LRFN2: variants seen among roughly 807,000 people sequenced by gnomAD.
LRFN2 encodes leucine rich repeat and fibronectin type III domain containing 2.
In LRFN2, 18 loss-of-function variants were observed where a neutral mutation model predicts 37.3. The ratio of observed to expected loss-of-function variants is 0.48; its 90% CI spans 0.33 to 0.72. LRFN2 has a LOEUF of 0.72. LRFN2 is among the 30% of genes least tolerant of loss of function. The pLI, the probability that LRFN2 is intolerant of heterozygous loss-of-function variation, is 0.02. For synonymous variants in LRFN2, 556 were observed against 466.6 expected (o/e 1.19, Z -2.47); for missense variants, 1,006 against 1,060.7 (o/e 0.95, Z 0.72).
At chr6:40,403,524 C>T (rs1762785578) in intron 2 of LRFN2, among the ~76,000 whole-genome samples, 2 of 152,198 alleles carry the variant, frequency 1.3e-5, no homozygotes, top group Non-Finnish European at 2.9e-5. Flanking sequence ...CCCTGCCTTA[C>T]TGGCAGTTAC....
At position 40,533,757 on chromosome 6, in the gene LRFN2, C is replaced by T. The variant is rs532334321; in HGVS notation, c.-19+53184G>A. 1.5e-4 allele frequency among the ~76,000 whole-genome samples: 23 copies of T among 152,244 alleles called. 2 individuals are homozygous for T. The South Asian group carries it at 3.5e-3, about 23-fold the overall frequency. On this transcript the variant is annotated intron_variant, in intron 1 of 2. Coordinates refer to ENST00000338305, the MANE Select transcript of LRFN2 (RefSeq NM_020737.3). Reference sequence around the variant, plus strand: ...CCACAGAAAACTCCTGAGAAGCATGCTGTGGAGGAAAGGAGGGATTAAAAG... The same window carrying T: ...CCACAGAAAACTCCTGAGAAGCATGTTGTGGAGGAAAGGAGGGATTAAAAG...
chr6:40,555,359 G>C (rs1018653795), intron 1 of LRFN2, among the ~76,000 whole-genome samples: 3 of 152,192 alleles, frequency 2.0e-5, no homozygotes, highest in Non-Finnish European at 2.9e-5. Flanking sequence ...CCACAGTAAG[G>C]AGGTGAGGAG....
At chr6:40,434,805 T>G (rs372132648) in intron 1 of LRFN2, among the ~76,000 whole-genome samples, 1 of 151,718 alleles carries the variant, frequency 6.6e-6, no homozygotes, top group African/African-American at 2.4e-5. Flanking sequence ...AACATACTAA[T>G]TAGAGTTCTG....
chr6:40,560,572 C>G (rs565928719), intron 1 of LRFN2, among the ~76,000 whole-genome samples: 1 of 152,292 alleles, frequency 6.6e-6, no homozygotes, highest in South Asian at 2.1e-4. Context: ...CAAAGCTTCT[C>G]TTACTAACTC....
chr6:40,556,990 A>T (rs1426931192), intron 1 of LRFN2, among the ~76,000 whole-genome samples: 2 of 152,164 alleles, frequency 1.3e-5, no homozygotes, highest in Non-Finnish European at 2.9e-5. Context: ...AATAACCAGG[A>T]TCATAATCAA....
chr6:40,402,662 G>A (rs1359363578), intron 2 of LRFN2, among the ~76,000 whole-genome samples: 2 of 152,310 alleles, frequency 1.3e-5, no homozygotes, highest in African/African-American at 2.4e-5. Context: ...CTCTCACAGA[G>A]AGGAGGATTG....
rs556679760 is a variant in LRFN2 at position 40,533,305 on chromosome 6, A to T, written c.-19+53636T>A. Reference sequence around the variant, plus strand: ...TACTTTATGTACCAATTGAATTTTTAAAAATCTGTTCCCTGCTCTAAAAAG... The same window carrying T: ...TACTTTATGTACCAATTGAATTTTTTAAAATCTGTTCCCTGCTCTAAAAAG... On this transcript the variant is annotated intron_variant, in intron 1 of 2. Transcript: ENST00000338305. Among the ~76,000 whole-genome samples, 19 of 151,980 alleles carry T rather than the reference A, an allele frequency of 1.3e-4. No homozygotes were observed. The East Asian group carries it at 3.1e-3, about 25-fold the overall frequency.
Position 40,396,686 on chromosome 6 carries a change from C to CTGTGTGTGTGTG in LRFN2, c.1401-3786_1401-3775dup, listed in dbSNP as rs3997706. Reference sequence around the variant, plus strand: ...GAAGGCGGCTCCTGATTCCTCTGCTCTGTGTGTGTGTGTGTGTGTGTGTGT... The same window carrying CTGTGTGTGTGTG: ...GAAGGCGGCTCCTGATTCCTCTGCTCTGTGTGTGTGTGTGTGTGTGTGTGTGTGTGTGTGTGT... On this transcript the variant is annotated intron_variant, in intron 2 of 2. Transcript: ENST00000338305. Among the ~76,000 whole-genome samples, 946 of 135,178 alleles carry CTGTGTGTGTGTG rather than the reference C, an allele frequency of 7.0e-3. 24 individuals are homozygous for CTGTGTGTGTGTG. The highest frequency in any genetic ancestry group is 0.025 in the African/African-American group (871 of 35,018). The allele number at this position is 135,178 out of a possible 152,430, so 88.7% of individuals were successfully genotyped here.
intron 1 of LRFN2, among the ~76,000 whole-genome samples, chr6:40,521,794 T>A (rs370053277): frequency 6.3e-4 from 95 of 151,980 alleles, no homozygotes; most frequent in Middle Eastern, 3.4e-3. Context: ...AAGACACCGA[T>A]GAAAAGGGAG....
At position 40,431,924 on chromosome 6, in the gene LRFN2, G is replaced by A; in HGVS notation, c.1190C>T (p.Ser397Leu). Residue 397 changes from serine to leucine, a missense_variant, in exon 2 of 3, where the codon TCA becomes TTA. This residue lies in a region of LRFN2 where 303 missense variants were observed against 299.8 expected (regional missense o/e 1.01). Coordinates refer to ENST00000338305, the MANE Select transcript of LRFN2 (RefSeq NM_020737.3). ...SRTAPPKSRL[S>L]DITGSSKTSR... ...GGTCTTGCTGGAGCCAGTGATGTCT[G>A]AGAGGCGGGACTTGGGGGGTGCAGT... 1 of 1,613,524 alleles carries A rather than the reference G, an allele frequency of 6.2e-7. No individual in the cohort carries two copies. Among genetic ancestry groups the A allele is most frequent in the Non-Finnish European group, 8.5e-7 (1 of 1,179,844 alleles).
In LRFN2 at chr6:40,391,722, C is replaced by A. The variant is rs181653324; in HGVS notation, c.*221G>T. On this transcript the variant is annotated 3_prime_UTR_variant, in exon 3 of 3. Transcript: ENST00000338305. Reference sequence around the variant, plus strand: ...CTTTCCAAACACTCAGGGCTCAGTCCGGCATTTGAGCGAGTCCACATTCCC... The same window carrying A: ...CTTTCCAAACACTCAGGGCTCAGTCAGGCATTTGAGCGAGTCCACATTCCC... The A allele has an allele frequency of 1.3e-3, 589 of 440,936 alleles. 9 individuals carry two copies. In the East Asian group the frequency reaches 0.021, roughly 16 times the overall value. 27.3% of individuals were successfully genotyped at this position (440,936 alleles called of 1,614,324 possible).
chr6:40,434,481 TC>T (rs1763594248), intron 1 of LRFN2, among the ~76,000 whole-genome samples: 1 of 151,396 alleles, frequency 6.6e-6, no homozygotes, highest in Admixed American at 6.6e-5. Context: ...CCTTTTTTTT[TC>T]TTTTTTTTTT....
At chr6:40,416,481 G>C (rs1229121156) in intron 2 of LRFN2, among the ~76,000 whole-genome samples, 2 of 152,210 alleles carry the variant, frequency 1.3e-5, no homozygotes, top group Non-Finnish European at 2.9e-5. Context: ...GGAGAGCGTT[G>C]GCCTGGATGA....
chr6:40,520,236 T>C (rs938389737), intron 1 of LRFN2, among the ~76,000 whole-genome samples: 1 of 152,008 alleles, frequency 6.6e-6, no homozygotes, highest in Admixed American at 6.6e-5. Context: ...GAGGAGATGA[T>C]GCTGCAGTTC....
At chr6:40,550,631 T>G (rs553746936) in intron 1 of LRFN2, among the ~76,000 whole-genome samples, 1 of 152,230 alleles carries the variant, frequency 6.6e-6, no homozygotes. Context: ...GGCCACAATG[T>G]GGCTTTCCAA....
chr6:40,530,787 G>A (rs1202437846), intron 1 of LRFN2, among the ~76,000 whole-genome samples: 1 of 152,032 alleles, frequency 6.6e-6, no homozygotes, highest in Non-Finnish European at 1.5e-5. Context: ...ACTTCGGAGT[G>A]CCAAGTTCAC....
intron 1 of LRFN2, among the ~76,000 whole-genome samples, chr6:40,441,121 T>C (rs1327649287): frequency 6.6e-6 from 1 of 152,202 alleles, no homozygotes; most frequent in Non-Finnish European, 1.5e-5. Context: ...TCAGTTCACG[T>C]GCCAATGACT....
chr6:40,441,054 T>C (rs1490914530), intron 1 of LRFN2, among the ~76,000 whole-genome samples: 1 of 152,168 alleles, frequency 6.6e-6, no homozygotes, highest in Non-Finnish European at 1.5e-5. Flanking sequence ...GATCTAAAAA[T>C]CATGCATGTT....
intron 1 of LRFN2, among the ~76,000 whole-genome samples, chr6:40,547,923 G>A (rs938301024): frequency 1.3e-5 from 2 of 152,076 alleles, no homozygotes; most frequent in Non-Finnish European, 2.9e-5. Flanking sequence ...CCACACCTTT[G>A]TAAATAGTTT....
Sources: gnomAD v4.1 joint callset for allele counts (sites outside exome capture counted in the v4.1 genomes callset) on GRCh38, gnomAD v4.1.1 for gene constraint, gnomAD v4.1.1 regional missense constraint, MANE v1.5 for transcripts, NCBI Gene and HGNC (gene_info 2026-07-23, HGNC 2026-07-21) for gene names.